The following MALT1 variants were observed in gnomAD, a reference collection of about 807,000 sequenced individuals.
MALT1 encodes the protein MALT1 paracaspase, also known as mucosa-associated lymphoid tissue lymphoma translocation protein 1.
MALT1 carries 36 observed loss-of-function variants against 85.5 expected under a neutral mutation model. The observed-to-expected ratio is 0.42, with a 90% CI of 0.32 to 0.56. The LOEUF (loss-of-function observed/expected upper bound fraction) is 0.56. Ranked by LOEUF, MALT1 falls within the 20% of genes least tolerant of loss-of-function variation. The pLI, the probability that MALT1 is intolerant of heterozygous loss-of-function variation, is 0.10. For missense variants in MALT1, 716 were observed against 981.6 expected, an observed-to-expected ratio of 0.73 and a Z score of 3.62; for synonymous variants, 359 against 361.3, an observed-to-expected ratio of 0.99 and a Z score of 0.07.
intron 2 of MALT1, among the ~76,000 whole-genome samples, chr18:58,694,528 T>C (rs1208159376): frequency 1.3e-5 from 2 of 152,250 alleles, no homozygotes; most frequent in Non-Finnish European, 2.9e-5. Flanking sequence ...TTATAAGTTT[T>C]AATTATCTTT....
At chr18:58,683,178 C>T (rs1363243669) in intron 2 of MALT1, among the ~76,000 whole-genome samples, 1 of 152,146 alleles carries the variant, frequency 6.6e-6, no homozygotes, top group African/African-American at 2.4e-5. Context: ...AGTCCAAGTT[C>T]TCATACCTAG....
At chr18:58,679,492 T>C (rs2054288689) in intron 1 of MALT1, among the ~76,000 whole-genome samples, 1 of 152,258 alleles carries the variant, frequency 6.6e-6, no homozygotes, top group African/African-American at 2.4e-5. Flanking sequence ...CTGAACACAT[T>C]TGGCCCACAG....
chr18:58,671,944 G>A, intron 1 of MALT1, 92 bp downstream of exon 1: 1 of 906,706 alleles, frequency 1.1e-6, no homozygotes, highest in Non-Finnish European at 1.4e-6. Flanking sequence ...GGCTGAGCGC[G>A]GCGGGGGCCG....
intron 4 of MALT1, among the ~76,000 whole-genome samples, chr18:58,701,146 CATAT>C (rs34462992): frequency 2.6e-5 from 4 of 151,764 alleles, no homozygotes; most frequent in Middle Eastern, 3.4e-3. Flanking sequence ...TGCACACACA[CATAT>C]ATGTGTGTGT....
intron 10 of MALT1, among the ~76,000 whole-genome samples, chr18:58,724,146 G>C (rs1226874060): frequency 1.3e-5 from 2 of 152,030 alleles, no homozygotes; most frequent in Non-Finnish European, 2.9e-5. Flanking sequence ...ATTTACTCTT[G>C]TTATTTATAA....
At chr18:58,715,159 G>A (rs2054881733) in intron 8 of MALT1, among the ~76,000 whole-genome samples, 1 of 152,148 alleles carries the variant, frequency 6.6e-6, no homozygotes, top group South Asian at 2.1e-4. Context: ...GGGGAGAATA[G>A]GGGGTCTGGA....
At chr18:58,704,261 AAT>A (rs2144371688) in intron 4 of MALT1, among the ~76,000 whole-genome samples, 1 of 152,294 alleles carries the variant, frequency 6.6e-6, no homozygotes, top group African/African-American at 2.4e-5. Flanking sequence ...AAGTTTCCAA[AAT>A]AGTTTACCAT....
At chr18:58,692,554 T>C (rs1182882049) in intron 2 of MALT1, among the ~76,000 whole-genome samples, 1 of 151,074 alleles carries the variant, frequency 6.6e-6, no homozygotes, top group Non-Finnish European at 1.5e-5. Context: ...AGCTGATTAA[T>C]AACCCTACAA....
At chr18:58,743,625 A>T in intron 14 of MALT1, among the ~76,000 whole-genome samples, 1 of 152,272 alleles carries the variant, frequency 6.6e-6, no homozygotes, top group Non-Finnish European at 1.5e-5. Flanking sequence ...AGAGAAAAAA[A>T]ATTAAGACCC....
intron 3 of MALT1, among the ~76,000 whole-genome samples, chr18:58,697,902 G>A (rs541891471): frequency 1.3e-5 from 2 of 152,264 alleles, no homozygotes; most frequent in Admixed American, 6.5e-5. Flanking sequence ...GAGCTTACAC[G>A]CCAGTGGGGA....
At chr18:58,680,633 C>T (rs2054305665) in intron 1 of MALT1, among the ~76,000 whole-genome samples, 1 of 152,128 alleles carries the variant, frequency 6.6e-6, no homozygotes, top group Non-Finnish European at 1.5e-5. Context: ...CTCTCACATC[C>T]TGTTTCTGGG....
intron 7 of MALT1, among the ~76,000 whole-genome samples, chr18:58,711,406 G>A (rs1054151661): frequency 6.6e-6 from 1 of 152,072 alleles, no homozygotes; most frequent in Non-Finnish European, 1.5e-5. Context: ...GAGATTTATT[G>A]TTTAACATAT....
intron 3 of MALT1, among the ~76,000 whole-genome samples, chr18:58,696,903 A>G (rs2054598921): frequency 6.6e-6 from 1 of 152,252 alleles, no homozygotes; most frequent in African/African-American, 2.4e-5. Flanking sequence ...TTTTATCTGT[A>G]TCAGAAGATT....
chr18:58,691,904 C>T (rs1293319044), intron 2 of MALT1, among the ~76,000 whole-genome samples: 13 of 147,454 alleles, frequency 8.8e-5, no homozygotes, highest in African/African-American at 3.3e-4. Context: ...ATTAGCCAGG[C>T]ATGGTGGCAC....
chr18:58,733,485 A>C lies in MALT1; in HGVS notation c.1311A>C (p.Glu437Asp), dbSNP rs775142199. The change falls in exon 11 of 17, where the codon GAA becomes GAC. Residue 437 changes from glutamate (E) to aspartate (D), a missense_variant. By Grantham distance (45) the Glu-to-Asp change is conservative. Around this residue, in one of 4 missense-constraint regions of MALT1, gnomAD observed 86 missense variants for 212.3 expected, o/e 0.41. Transcript: ENST00000649217. The part of the protein sequence containing the change: ...PVDAPNPYRS[E>D]NCLCVQNILK... Reference sequence around the variant, plus strand: ...ATGCTCCAAATCCATATAGGTCTGAAAATTGTCTGTGTGTACAAAATATAC... The same window carrying C: ...ATGCTCCAAATCCATATAGGTCTGACAATTGTCTGTGTGTACAAAATATAC... 9 of 1,613,570 alleles carry C rather than the reference A, an allele frequency of 5.6e-6. No homozygotes were observed. The highest frequency in any genetic ancestry group is 6.8e-6 in the Non-Finnish European group (8 of 1,179,558).
intron 12 of MALT1, 26 bp from the exon 13 acceptor site, chr18:58,735,176 G>A: frequency 6.3e-7 from 1 of 1,592,338 alleles, no homozygotes; most frequent in South Asian, 1.2e-5. Flanking sequence ...TCTGTGCCTG[G>A]CTTAACTTCT....
In MALT1 at chr18:58,753,308, C is replaced by T. The variant is rs2144139041; in HGVS notation, c.*5466C>T. The T allele has an allele frequency of 6.6e-6, 1 of 152,348 alleles. No individual in the cohort carries two copies. The highest frequency in any genetic ancestry group is 1.9e-4 in the East Asian group (1 of 5,180). 9.4% of individuals were successfully genotyped at this position (152,348 alleles called of 1,614,324 possible). The stretch of plus-strand genomic sequence containing the variant: ...TCCCAGGTTCAAGCGATTCTCGTGC[C>T]TCAGCCCCCCGCATAGCTGGCATTA... On this transcript the variant is annotated 3_prime_UTR_variant, in exon 17 of 17. Transcript: ENST00000649217.
intron 7 of MALT1, among the ~76,000 whole-genome samples, chr18:58,711,297 C>T (rs4940423): frequency 0.93 from 141,827 of 152,282 alleles, 66,808 homozygotes; most frequent in East Asian, 1. Flanking sequence ...TAGGTGGCTA[C>T]GTGATCATGG....
intron 3 of MALT1, chr18:58,697,311 T>C (rs1379471362): frequency 6.6e-6 from 1 of 152,226 alleles, no homozygotes; most frequent in Admixed American, 6.5e-5. Context: ...TTTAATTGGA[T>C]TGCCTCATAC....
Sources: allele counts gnomAD v4.1 joint callset (sites outside exome capture counted in the v4.1 genomes callset), GRCh38; gene constraint gnomAD v4.1.1; regional missense constraint gnomAD v4.1.1; transcripts MANE v1.5; gene names NCBI Gene and HGNC (gene_info 2026-07-23, HGNC 2026-07-21).